Variants in SMAD2 observed in about 807,000 individuals in gnomAD.
The protein encoded by SMAD2 is SMAD family member 2.
Under a neutral mutation model 64.4 loss-of-function variants are expected in SMAD2, and 8 were observed. The ratio of observed to expected loss-of-function variants is 0.12; its 90% CI spans 0.07 to 0.22. The LOEUF is 0.22. Ranked by LOEUF, SMAD2 falls within the 10% of genes least tolerant of loss-of-function variation. The pLI is 1.00. For missense variants in SMAD2, 289 were observed against 561.2 expected, an observed-to-expected ratio of 0.51 and a Z score of 4.90; for synonymous variants, 203 against 195.8, an observed-to-expected ratio of 1.04 and a Z score of -0.31.
At chr18:47,874,868 A>G (rs568160706) in intron 2 of SMAD2, among the ~76,000 whole-genome samples, 6 of 152,248 alleles carry the variant, frequency 3.9e-5, no homozygotes, top group African/African-American at 1.4e-4. Flanking sequence ...GAGCCATGTG[A>G]ATGTATATTG....
At chr18:47,922,881 G>A (rs1045311075) in intron 1 of SMAD2, among the ~76,000 whole-genome samples, 15 of 152,114 alleles carry the variant, frequency 9.9e-5, no homozygotes, top group Non-Finnish European at 1.5e-4. Flanking sequence ...AACCTAGGTC[G>A]GCCCCCATGG....
At chr18:47,882,420 C>A (rs1035009260) in intron 2 of SMAD2, 2 of 152,710 alleles carry the variant, frequency 1.3e-5, no homozygotes, top group African/African-American at 4.8e-5. Flanking sequence ...TGGTCTTGAA[C>A]TCCTAGGCTT....
At chr18:47,863,919 C>T (rs2031373977) in intron 6 of SMAD2, among the ~76,000 whole-genome samples, 1 of 152,054 alleles carries the variant, frequency 6.6e-6, no homozygotes. Flanking sequence ...TCCAATTTCT[C>T]CACATCCTCA....
intron 2 of SMAD2, among the ~76,000 whole-genome samples, chr18:47,876,364 C>T (rs777284910): frequency 1.3e-5 from 2 of 151,940 alleles, no homozygotes; most frequent in Non-Finnish European, 2.9e-5. Context: ...ATGTAGCAGA[C>T]CATTAACTAA....
chr18:47,849,672 A>G (rs1914901406), intron 7 of SMAD2, among the ~76,000 whole-genome samples: 1 of 152,092 alleles, frequency 6.6e-6, no homozygotes, highest in Non-Finnish European at 1.5e-5. Flanking sequence ...TACTTATAAT[A>G]CCTAATAATA....
rs1913415145 is a variant in SMAD2, at chr18:47,836,377, T to C, written c.*5450A>G. On this transcript the variant is annotated 3_prime_UTR_variant, in exon 11 of 11. Transcript: ENST00000262160. ...GGGTATATGGCAGAGCTTTCTTTGA[T>C]GTTAACAAATTTTGGCTGTGATTCT... The C allele has an allele frequency of 4.5e-6, 1 of 221,928 alleles. No homozygotes were observed. The highest frequency in any genetic ancestry group is 5.7e-5 in the Admixed American group (1 of 17,418). 13.7% of individuals were successfully genotyped at this position (221,928 alleles called of 1,614,324 possible). A position where few individuals can be genotyped will look rare whatever the true frequency, so the allele number is the denominator to read the frequency against.
At chr18:47,892,117 A>G (rs1041926505) in intron 2 of SMAD2, among the ~76,000 whole-genome samples, 1 of 152,180 alleles carries the variant, frequency 6.6e-6, no homozygotes, top group Non-Finnish European at 1.5e-5. Context: ...AGTGCTTCTT[A>G]AATATGATTA....
rs578111151 is a variant in SMAD2, at chr18:47,903,186, C to T, written c.-53-6377G>A. Among the ~76,000 whole-genome samples, 7 of 152,040 alleles carry T rather than the reference C, an allele frequency of 4.6e-5. No homozygotes were observed. The South Asian group carries it at 6.2e-4, about 14-fold the overall frequency. Reference sequence around the variant, plus strand: ...CTAGACATTGAGCTGCCAAGGGCTGCGGTAGGACAGGAAAGATGAGAAAAC... The same window carrying T: ...CTAGACATTGAGCTGCCAAGGGCTGTGGTAGGACAGGAAAGATGAGAAAAC... On this transcript the variant is annotated intron_variant, in intron 1 of 10. Coordinates refer to ENST00000262160, the MANE Select transcript of SMAD2 (RefSeq NM_005901.6).
At chr18:47,926,129 G>A (rs1045383342) in intron 1 of SMAD2, among the ~76,000 whole-genome samples, 4 of 152,180 alleles carry the variant, frequency 2.6e-5, no homozygotes, top group Non-Finnish European at 4.4e-5. Flanking sequence ...TTTCAGCTTG[G>A]AATCTGAATG....
rs1191412042 is a variant in SMAD2, at chr18:47,818,409, A to G, written c.*23418T>C. On this transcript the variant is annotated 3_prime_UTR_variant, in exon 11 of 11. Coordinates refer to ENST00000262160, the MANE Select transcript of SMAD2 (RefSeq NM_005901.6). ...AAAGGATTAATAGCCTAAAAGAACT[A>G]GATAAATACGTATAAAAATTAGGCT... The G allele has an allele frequency of 6.6e-6, 1 of 152,232 alleles. No individual in the cohort carries two copies. The highest frequency in any genetic ancestry group is 1.5e-5 in the Non-Finnish European group (1 of 68,046). The allele number at this position is 152,232 out of a possible 1,614,324, so 9.4% of individuals were successfully genotyped here.
intron 1 of SMAD2, among the ~76,000 whole-genome samples, chr18:47,902,949 A>G (rs1316978660): frequency 6.6e-6 from 1 of 152,172 alleles, no homozygotes; most frequent in Non-Finnish European, 1.5e-5. Flanking sequence ...CCACAGAGCA[A>G]GTGTGCATCC....
chr18:47,909,203 T>TA (rs2034024721), intron 1 of SMAD2, among the ~76,000 whole-genome samples: 1 of 152,232 alleles, frequency 6.6e-6, no homozygotes, highest in African/African-American at 2.4e-5. Flanking sequence ...ACAGGATTGC[T>TA]ATAAAGAAAG....
intron 2 of SMAD2, among the ~76,000 whole-genome samples, chr18:47,880,279 A>G (rs891681232): frequency 6.6e-6 from 1 of 152,216 alleles, no homozygotes; most frequent in African/African-American, 2.4e-5. Context: ...TTTTAGCTTT[A>G]ATTAGACTAC....
At chr18:47,888,144 T>TA (rs1568085646) in intron 2 of SMAD2, among the ~76,000 whole-genome samples, 1 of 150,464 alleles carries the variant, frequency 6.6e-6, no homozygotes, top group Non-Finnish European at 1.5e-5. Context: ...CAACTCCAGG[T>TA]AAAATATAAG....
rs1913973392 is a variant in SMAD2 at position 47,841,748 on chromosome 18, G to C, written c.*79C>G. The C allele has an allele frequency of 6.5e-7, 1 of 1,545,902 alleles. No individual in the cohort carries two copies. The highest frequency in any genetic ancestry group is 1.1e-5 in the South Asian group (1 of 88,982). ...CTCTTGAACTTTTGGATAGTAAACA[G>C]TCCATAGGGACCACACACAATGCTA... On this transcript the variant is annotated 3_prime_UTR_variant, in exon 11 of 11. Transcript: ENST00000262160.
At chr18:47,924,716 G>A (rs904498203) in intron 1 of SMAD2, among the ~76,000 whole-genome samples, 1 of 152,136 alleles carries the variant, frequency 6.6e-6, no homozygotes, top group Non-Finnish European at 1.5e-5. Flanking sequence ...GCCCGCCTCA[G>A]CCTCCCAAAG....
intron 1 of SMAD2, among the ~76,000 whole-genome samples, chr18:47,906,175 C>T (rs73443936): frequency 0.013 from 1,971 of 151,552 alleles, 45 homozygotes; most frequent in African/African-American, 0.045. Flanking sequence ...ATCACAAATC[C>T]GAAAACTGAA....
At position 47,815,844 on chromosome 18, in the gene SMAD2, T is replaced by C. The variant is rs1447321731; in HGVS notation, c.*25983A>G. On this transcript the variant is annotated 3_prime_UTR_variant, in exon 11 of 11. Transcript: ENST00000262160. ...GGATTTACTGAGCCCATGTATGCTG[T>C]AGGAAAAAGCTAGTGGTGCCAGAGT... 6.6e-6 allele frequency: 1 copy of C among 152,228 alleles called. No homozygotes were observed. Among genetic ancestry groups the C allele is most frequent in the African/African-American group, 2.4e-5 (1 of 41,438 alleles). 9.4% of individuals were successfully genotyped at this position (152,228 alleles called of 1,614,324 possible).
At chr18:47,906,615 C>G (rs2033913953) in intron 1 of SMAD2, among the ~76,000 whole-genome samples, 1 of 152,126 alleles carries the variant, frequency 6.6e-6, no homozygotes. Context: ...GCTGCTGTAA[C>G]AAATAATCGC....
Sources: allele counts gnomAD v4.1 joint callset (sites outside exome capture counted in the v4.1 genomes callset), GRCh38; gene constraint gnomAD v4.1.1; transcripts MANE v1.5; gene names NCBI Gene and HGNC (gene_info 2026-07-23, HGNC 2026-07-21).